The following NEURL1B variants were observed in gnomAD, a reference collection of about 807,000 sequenced individuals.
NEURL1B encodes the protein E3 ubiquitin-protein ligase NEURL1B.
Under a neutral mutation model 37.4 loss-of-function variants are expected in NEURL1B, and 13 were observed. That is an observed-to-expected ratio of 0.35 (90% CI 0.23 to 0.55). The LOEUF is 0.55. Ranked by LOEUF, NEURL1B falls within the 20% of genes least tolerant of loss-of-function variation. The pLI is 0.89. For synonymous variants in NEURL1B, 432 were observed against 426.6 expected (o/e 1.01, Z -0.16); for missense variants, 790 against 879.2 (o/e 0.90, Z 1.28).
At chr5:172,643,726 C>T (rs1345706975) in intron 1 of NEURL1B, among the ~76,000 whole-genome samples, 1 of 152,140 alleles carries the variant, frequency 6.6e-6, no homozygotes, top group Non-Finnish European at 1.5e-5. Flanking sequence ...CACAGTCTTG[C>T]CCTGTAGAAT....
intron 2 of NEURL1B, among the ~76,000 whole-genome samples, chr5:172,681,238 T>A (rs1213110851): frequency 2.6e-5 from 4 of 152,036 alleles, no homozygotes; most frequent in Admixed American, 2.6e-4. Context: ...CCAAACCATA[T>A]CAGTAGCATA....
At chr5:172,673,814 CAAAA>C (rs34986749) in intron 2 of NEURL1B, among the ~76,000 whole-genome samples, 2 of 124,392 alleles carry the variant, frequency 1.6e-5, no homozygotes, top group Non-Finnish European at 1.7e-5. Context: ...CGTACTTATG[CAAAA>C]AAAAAAAAAA....
intron 1 of NEURL1B, among the ~76,000 whole-genome samples, chr5:172,658,821 T>C (rs941056295): frequency 6.6e-6 from 1 of 152,186 alleles, no homozygotes; most frequent in African/African-American, 2.4e-5. Flanking sequence ...CATTGTCCCC[T>C]GGGAGGTCTG....
chr5:172,681,721 A>G (rs1758357211), intron 2 of NEURL1B, among the ~76,000 whole-genome samples: 1 of 152,190 alleles, frequency 6.6e-6, no homozygotes, highest in South Asian at 2.1e-4. Flanking sequence ...GTGCATTTGG[A>G]CCCACCGGGG....
At position 172,657,062 on chromosome 5, in the gene NEURL1B, T is replaced by A. The variant is rs1469322096; in HGVS notation, c.32-12723T>A. Among the ~76,000 whole-genome samples, 1 of 152,204 alleles carries A rather than the reference T, an allele frequency of 6.6e-6. No individual in the cohort carries two copies. Among genetic ancestry groups the A allele is most frequent in the Non-Finnish European group, 1.5e-5 (1 of 68,040 alleles). ...TTTGAGTCAGTCCCTCACGTCCCCATGATGGATGACTGGTTGGCTAGGGAA... is the reference window on the plus strand; with the variant it reads ...TTTGAGTCAGTCCCTCACGTCCCCAAGATGGATGACTGGTTGGCTAGGGAA... On this transcript the variant is annotated intron_variant, in intron 1 of 4. Transcript: ENST00000369800. This position sits in a 1 kb window ranked among gnomAD's most constrained non-coding sequence, Gnocchi z 4.0.
chr5:172,646,035 C>G (rs563421838), intron 1 of NEURL1B, among the ~76,000 whole-genome samples: 2 of 152,134 alleles, frequency 1.3e-5, no homozygotes, highest in Non-Finnish European at 2.9e-5. Flanking sequence ...GTTGCGCATG[C>G]GGGTGTGTGT....
chr5:172,653,083 T>C (rs1757699152), intron 1 of NEURL1B, among the ~76,000 whole-genome samples: 2 of 152,170 alleles, frequency 1.3e-5, no homozygotes, highest in South Asian at 4.1e-4. Context: ...GATCGCCAGG[T>C]TGGTGCTGCT....
At position 172,647,120 on chromosome 5, in the gene NEURL1B, C is replaced by T. The variant is rs1445014841; in HGVS notation, c.31+5683C>T. On this transcript the variant is annotated intron_variant, in intron 1 of 4. Transcript: ENST00000369800. The surrounding 1 kb of genome is among the most constrained non-coding windows in gnomAD (Gnocchi z 4.2). ...CGCTCAGAACAGGCTGTTTAATCTCCCCCATGGAGAAGAGTCAGCTCTGCC... is the reference window on the plus strand; with the variant it reads ...CGCTCAGAACAGGCTGTTTAATCTCTCCCATGGAGAAGAGTCAGCTCTGCC... Among the ~76,000 whole-genome samples the T allele has an allele frequency of 6.6e-6, 1 of 152,176 alleles. No individual in the cohort carries two copies. The highest frequency in any genetic ancestry group is 6.5e-5 in the Admixed American group (1 of 15,282).
At chr5:172,655,883 C>T (rs1369315080) in intron 1 of NEURL1B, among the ~76,000 whole-genome samples, 4 of 152,200 alleles carry the variant, frequency 2.6e-5, no homozygotes, top group South Asian at 4.2e-4. Flanking sequence ...TAATCACGGG[C>T]GAGCCCCCAA....
chr5:172,647,895 C>A lies in NEURL1B; in HGVS notation c.31+6458C>A, dbSNP rs1392390681. ...ACTGGCCCATGCTGACACCCCCAGC[C>A]CCCAATGGCAAGCATCACAGTGCTC... On this transcript the variant is annotated intron_variant, in intron 1 of 4. Coordinates refer to ENST00000369800, the MANE Select transcript of NEURL1B (RefSeq NM_001142651.3). The surrounding 1 kb of genome is among the most constrained non-coding windows in gnomAD (Gnocchi z 4.2). 6.6e-6 allele frequency among the ~76,000 whole-genome samples: 1 copy of A among 152,132 alleles called. No homozygotes were observed. The highest frequency in any genetic ancestry group is 2.4e-5 in the African/African-American group (1 of 41,420).
chr5:172,682,305 T>C (rs1758369178), intron 2 of NEURL1B, among the ~76,000 whole-genome samples: 1 of 152,262 alleles, frequency 6.6e-6, no homozygotes, highest in African/African-American at 2.4e-5. Context: ...CCGGGCGTGC[T>C]GACTCACGCC....
At chr5:172,684,267 T>G (rs1168294025) in intron 3 of NEURL1B, 129 bp downstream of exon 3, 5 of 862,350 alleles carry the variant, frequency 5.8e-6, no homozygotes, top group Non-Finnish European at 7.5e-6. Context: ...AGCCCGCGGT[T>G]CCCAACTTTA....
Position 172,657,947 on chromosome 5 carries a change from T to C in NEURL1B, c.32-11838T>C, listed in dbSNP as rs1757825432. Among the ~76,000 whole-genome samples the C allele has an allele frequency of 6.6e-6, 1 of 152,224 alleles. No homozygotes were observed. The highest frequency in any genetic ancestry group is 2.1e-4 in the South Asian group (1 of 4,834). On this transcript the variant is annotated intron_variant, in intron 1 of 4. Coordinates refer to ENST00000369800, the MANE Select transcript of NEURL1B (RefSeq NM_001142651.3). This position sits in a 1 kb window ranked among gnomAD's most constrained non-coding sequence, Gnocchi z 4.0. The stretch of plus-strand genomic sequence containing the variant: ...ATCTTAAAGTGTTTGATCTTTCTTA[T>C]AAGTGCATAGAAGAAAACGCTGACA...
intron 2 of NEURL1B, among the ~76,000 whole-genome samples, chr5:172,678,523 C>T (rs1199045173): frequency 6.6e-6 from 1 of 151,514 alleles, no homozygotes; most frequent in Non-Finnish European, 1.5e-5. Flanking sequence ...CAATAAGTAG[C>T]ACCACCCCCT....
At position 172,661,302 on chromosome 5, in the gene NEURL1B, GA is replaced by G. The variant is rs1757897121; in HGVS notation, c.32-8481del. On this transcript the variant is annotated intron_variant, in intron 1 of 4. Coordinates refer to ENST00000369800, the MANE Select transcript of NEURL1B (RefSeq NM_001142651.3). The surrounding 1 kb of genome is among the most constrained non-coding windows in gnomAD (Gnocchi z 4.0). ...GGGTATGTTTCTGGGGGGAAACCCT[GA>G]AGTTGAATATCAGATTGTGCATGGA... is the stretch of plus-strand genomic sequence containing the variant. Among the ~76,000 whole-genome samples, 1 of 152,128 alleles carries G rather than the reference GA, an allele frequency of 6.6e-6. No individual in the cohort carries two copies. The highest frequency in any genetic ancestry group is 1.5e-5 in the Non-Finnish European group (1 of 68,038).
chr5:172,682,834 G>A (rs1465440835), intron 2 of NEURL1B, among the ~76,000 whole-genome samples: 1 of 152,196 alleles, frequency 6.6e-6, no homozygotes, highest in African/African-American at 2.4e-5. Context: ...GTAGCCATGT[G>A]CCCTTGGTCA....
intron 1 of NEURL1B, among the ~76,000 whole-genome samples, chr5:172,655,486 A>G (rs528676566): frequency 6.6e-6 from 1 of 152,188 alleles, no homozygotes; most frequent in East Asian, 1.9e-4. Context: ...CCTAAACCAT[A>G]TGAGGTAGCT....
intron 2 of NEURL1B, 67 bp downstream of exon 2, chr5:172,670,397 C>G (rs1293804494): frequency 8.2e-7 from 1 of 1,225,034 alleles, no homozygotes; most frequent in Non-Finnish European, 1.1e-6. Context: ...GTGTGTGTTT[C>G]ATTAGTAGCC....
intron 2 of NEURL1B, among the ~76,000 whole-genome samples, chr5:172,678,297 CCT>C (rs1481309933): frequency 6.6e-6 from 1 of 152,170 alleles, no homozygotes; most frequent in Non-Finnish European, 1.5e-5. Flanking sequence ...GTCTGTCTGC[CCT>C]CTTTCTCCAA....
Sources: gnomAD v4.1 joint callset for allele counts (sites outside exome capture counted in the v4.1 genomes callset) on GRCh38, gnomAD v4.1.1 for gene constraint, Gnocchi (gnomAD v3.1) non-coding constraint, MANE v1.5 for transcripts, NCBI Gene and HGNC (gene_info 2026-07-23, HGNC 2026-07-21) for gene names.